WDR86: variants seen among roughly 807,000 people sequenced by gnomAD.
The protein encoded by WDR86 is WD repeat domain 86, also known as WD repeat-containing protein 86.
In WDR86, 30 loss-of-function variants were observed where a neutral mutation model predicts 36.5. The ratio of observed to expected loss-of-function variants is 0.82; its 90% CI spans 0.61 to 1.11. The LOEUF is 1.11. WDR86 is among the 50% of genes most tolerant of loss of function. The probability of loss-of-function intolerance (pLI) is 0.00; values close to 1 mark genes in which losing one functional copy is unlikely to be tolerated. For synonymous variants in WDR86, 255 were observed against 252.9 expected (o/e 1.01, Z -0.08); for missense variants, 545 against 561.2 (o/e 0.97, Z 0.29).
rs745379989 is a variant in WDR86, at chr7:151,395,837, A to G, written c.665T>C (p.Ile222Thr). The G allele has an allele frequency of 1.3e-6, 2 of 1,584,268 alleles. No homozygotes were observed. Among genetic ancestry groups the G allele is most frequent in the Non-Finnish European group, 1.7e-6 (2 of 1,167,154 alleles). Reference sequence around the variant, plus strand: ...CACCCGCAGCTGCTCCCCACTCAGGATGTCCCAGGCACGGATGGTGGCGTC... The same window carrying G: ...CACCCGCAGCTGCTCCCCACTCAGGGTGTCCCAGGCACGGATGGTGGCGTC... The part of the protein sequence containing the change: ...STDATIRAWD[I>T]LSGEQLRVFR... The change falls in exon 3 of 6, where the codon ATC becomes ACC. Residue 222 changes from isoleucine to threonine, a missense_variant. Ile to Thr is a moderately conservative substitution (Grantham distance 89). Coordinates refer to ENST00000334493, the MANE Select transcript of WDR86 (RefSeq NM_198285.3).
rs192658966 is a variant in WDR86 at position 151,405,521 on chromosome 7, G to A, written c.163+3906C>T. Reference sequence around the variant, plus strand: ...GTTTCGAGGGTGCTGGGACCCTGAGGCAGGTGACATCTGGGCCCAGAAGCA... The same window carrying A: ...GTTTCGAGGGTGCTGGGACCCTGAGACAGGTGACATCTGGGCCCAGAAGCA... On this transcript the variant is annotated intron_variant, in intron 1 of 5. Transcript: ENST00000334493. The surrounding 1 kb of genome is among the most constrained non-coding windows in gnomAD (Gnocchi z 4.7). 5.0e-4 allele frequency among the ~76,000 whole-genome samples: 76 copies of A among 152,344 alleles called. No homozygotes were observed. Among genetic ancestry groups the A allele is most frequent in the Non-Finnish European group, 2.9e-4 (20 of 68,034 alleles).
intron 2 of WDR86, among the ~76,000 whole-genome samples, chr7:151,399,626 A>G (rs980751875): frequency 1.9e-4 from 29 of 152,366 alleles, no homozygotes; most frequent in Admixed American, 1.7e-3. Context: ...CTTCTTGAGA[A>G]GGAGGGGCTG....
downstream of WDR86, chr7:151,376,913 C>G: frequency 6.9e-7 from 1 of 1,440,168 alleles, no homozygotes; most frequent in Non-Finnish European, 9.3e-7. Context: ...GAGGGGGCGT[C>G]CCCTGACGTC....
intron 3 of WDR86, among the ~76,000 whole-genome samples, chr7:151,385,858 G>C (rs75320207): frequency 0.019 from 2,884 of 152,250 alleles, 95 homozygotes; most frequent in African/African-American, 0.066. Flanking sequence ...CAAGATGGAC[G>C]GGAGTAGCGG....
At position 151,388,173 on chromosome 7, in the gene WDR86, A is replaced by C. The variant is rs772077290; in HGVS notation, c.727-2950T>G. Among the ~76,000 whole-genome samples, 18 of 152,234 alleles carry C rather than the reference A, an allele frequency of 1.2e-4. No individual in the cohort carries two copies. The highest frequency in any genetic ancestry group is 2.2e-4 in the Non-Finnish European group (15 of 68,038). ...GTGGTCCCCACCACCTCGGGCTCCC[A>C]GATCCTGTAGGTCTTTCTTTTCTCT... On this transcript the variant is annotated intron_variant, in intron 3 of 5. Transcript: ENST00000334493. This position sits in a 1 kb window ranked among gnomAD's most constrained non-coding sequence, Gnocchi z 4.2.
At chr7:151,407,069 G>T (rs896829569) in intron 1 of WDR86, among the ~76,000 whole-genome samples, 1 of 152,210 alleles carries the variant, frequency 6.6e-6, no homozygotes, top group Non-Finnish European at 1.5e-5. Context: ...GATAAAGAAA[G>T]ATGACCTCTG....
In WDR86 at chr7:151,381,409, G is replaced by A. The variant is rs1290435645; in HGVS notation, c.*173C>T. On this transcript the variant is annotated 3_prime_UTR_variant, in exon 6 of 6. Transcript: ENST00000334493. The surrounding 1 kb of genome is among the most constrained non-coding windows in gnomAD (Gnocchi z 4.8). Reference sequence around the variant, plus strand: ...CAGGGCGAGCACTCCCGCTCCCAGCGCCTCCTGGCCACCAAAGAAAAACCA... The same window carrying A: ...CAGGGCGAGCACTCCCGCTCCCAGCACCTCCTGGCCACCAAAGAAAAACCA... The A allele has an allele frequency of 3.4e-6, 5 of 1,482,258 alleles. No homozygotes were observed. The highest frequency in any genetic ancestry group is 4.4e-6 in the Non-Finnish European group (5 of 1,124,608). 91.8% of individuals were successfully genotyped at this position (1,482,258 alleles called of 1,614,324 possible).
intron 3 of WDR86, among the ~76,000 whole-genome samples, chr7:151,394,565 C>T (rs1799669791): frequency 6.6e-6 from 1 of 152,256 alleles, no homozygotes; most frequent in African/African-American, 2.4e-5. Flanking sequence ...GAGCCAGGAA[C>T]ATCTAGACCC....
At chr7:151,402,422 G>T (rs1800409926) in intron 1 of WDR86, among the ~76,000 whole-genome samples, 1 of 152,136 alleles carries the variant, frequency 6.6e-6, no homozygotes, top group African/African-American at 2.4e-5. Context: ...ATGAAACACA[G>T]CCTTGCCCTC....
chr7:151,408,665 G>T, intron 1 of WDR86: 1 of 320,686 alleles, frequency 3.1e-6, no homozygotes. Context: ...GGCTCATCCA[G>T]GGGACTACGT....
chr7:151,373,768 C>A (rs555815579), downstream of WDR86, among the ~76,000 whole-genome samples: 1 of 152,372 alleles, frequency 6.6e-6, no homozygotes, highest in East Asian at 1.9e-4. Flanking sequence ...ACCTCACACC[C>A]GCGACCTCTG....
At position 151,389,736 on chromosome 7, in the gene WDR86, C is replaced by T. The variant is rs78520148; in HGVS notation, c.727-4513G>A. Reference sequence around the variant, plus strand: ...CAGGCCTGTACGCATAGGAGAAGGACGCCTGGAAGTGAGCATGAGGCCCTC... The same window carrying T: ...CAGGCCTGTACGCATAGGAGAAGGATGCCTGGAAGTGAGCATGAGGCCCTC... On this transcript the variant is annotated intron_variant, in intron 3 of 5. Coordinates refer to ENST00000334493, the MANE Select transcript of WDR86 (RefSeq NM_198285.3). Among the ~76,000 whole-genome samples, 1,464 of 152,220 alleles carry T rather than the reference C, an allele frequency of 9.6e-3. 23 individuals are homozygous for T. Among genetic ancestry groups the T allele is most frequent in the African/African-American group, 0.033 (1,389 of 41,504 alleles).
At chr7:151,407,560 C>T (rs909855306) in intron 1 of WDR86, among the ~76,000 whole-genome samples, 3 of 152,174 alleles carry the variant, frequency 2.0e-5, no homozygotes, top group Non-Finnish European at 4.4e-5. Context: ...AATTCTAGGC[C>T]GGGTGCAGTG....
intron 2 of WDR86, among the ~76,000 whole-genome samples, chr7:151,399,509 G>A (rs956857222): frequency 6.6e-6 from 1 of 152,230 alleles, no homozygotes; most frequent in Non-Finnish European, 1.5e-5. Context: ...GGGAGTCCGA[G>A]GTGACCACCA....
At chr7:151,395,672 G>C in intron 3 of WDR86, 104 bp downstream of exon 3, 3 of 1,365,460 alleles carry the variant, frequency 2.2e-6, no homozygotes, top group Non-Finnish European at 1.9e-6. Flanking sequence ...CCCATCTGCA[G>C]CGCTTTGTTA....
intron 2 of WDR86, among the ~76,000 whole-genome samples, chr7:151,397,964 C>T (rs1451919693): frequency 1.3e-5 from 2 of 152,104 alleles, no homozygotes; most frequent in African/African-American, 4.8e-5. Flanking sequence ...GCTCACAGGC[C>T]TGACCTGGCT....
chr7:151,391,345 G>A (rs1799426803), intron 3 of WDR86, among the ~76,000 whole-genome samples: 1 of 152,250 alleles, frequency 6.6e-6, no homozygotes, highest in Non-Finnish European at 1.5e-5. Flanking sequence ...TTAGGACAGT[G>A]TGAGAAATGT....
chr7:151,395,807 C>G lies in WDR86; in HGVS notation c.695G>C (p.Arg232Pro), dbSNP rs1412099184. ...ACAGATGACGGAGCCCCGGTGCTCC[C>G]GGAACACCCGCAGCTGCTCCCCACT... is the stretch of plus-strand genomic sequence containing the variant. ...ILSGEQLRVF[R>P]EHRGSVICLE... Residue 232 changes from arginine (R) to proline (P), a missense_variant, in exon 3 of 6, where the codon CGG becomes CCG. Arg to Pro is a moderately radical substitution (Grantham distance 103). Coordinates refer to ENST00000334493, the MANE Select transcript of WDR86 (RefSeq NM_198285.3). 1.3e-6 allele frequency: 2 copies of G among 1,568,448 alleles called. No homozygotes were observed. Among genetic ancestry groups the G allele is most frequent in the Non-Finnish European group, 1.7e-6 (2 of 1,159,022 alleles).
chr7:151,403,058 T>C (rs7780321), intron 1 of WDR86, among the ~76,000 whole-genome samples: 51,841 of 151,910 alleles, frequency 0.34, 10,226 homozygotes, highest in African/African-American at 0.55. Context: ...TCCTCCTGCA[T>C]ACTTCAGTTC....
Sources: gnomAD v4.1 joint callset for allele counts (sites outside exome capture counted in the v4.1 genomes callset) on GRCh38, gnomAD v4.1.1 for gene constraint, Gnocchi (gnomAD v3.1) non-coding constraint, MANE v1.5 for transcripts, NCBI Gene and HGNC (gene_info 2026-07-23, HGNC 2026-07-21) for gene names.